Variants in RIC1 observed in about 807,000 individuals in gnomAD.
RIC1 encodes guanine nucleotide exchange factor subunit RIC1.
A neutral mutation model predicts 169.0 loss-of-function variants in RIC1; 88 were observed. The ratio of observed to expected loss-of-function variants is 0.52; its 90% confidence interval spans 0.44 to 0.62. RIC1 has a LOEUF of 0.62. Among genes scored for constraint, RIC1 ranks in the 20% least tolerant of loss-of-function variants. The pLI is 0.00. For missense variants in RIC1, 1,877 were observed against 1,725.5 expected, an observed-to-expected ratio of 1.09 and a Z score of -1.56; for synonymous variants, 790 against 601.5, an observed-to-expected ratio of 1.31 and a Z score of -4.59.
chr9:5,655,062 T>G (rs148177340), intron 1 of RIC1, among the ~76,000 whole-genome samples: 31 of 152,304 alleles, frequency 2.0e-4, no homozygotes, highest in African/African-American at 6.7e-4. Flanking sequence ...CCCAATCTCT[T>G]TACCTTTTAT....
chr9:5,740,976 T>C (rs1490477514), intron 8 of RIC1, among the ~76,000 whole-genome samples: 2 of 152,226 alleles, frequency 1.3e-5, no homozygotes, highest in African/African-American at 2.4e-5. Flanking sequence ...GAGACCATTT[T>C]CTGCCTGAAA....
intron 2 of RIC1, among the ~76,000 whole-genome samples, chr9:5,667,847 C>G (rs1489077674): frequency 6.6e-6 from 1 of 152,154 alleles, no homozygotes; most frequent in East Asian, 1.9e-4. Flanking sequence ...GTTCCAACCT[C>G]TGCCAGTTAC....
intron 3 of RIC1, among the ~76,000 whole-genome samples, chr9:5,709,110 C>T (rs1043577689): frequency 6.6e-6 from 1 of 152,068 alleles, no homozygotes; most frequent in Non-Finnish European, 1.5e-5. Context: ...AAACATGTAC[C>T]AAGTGTTGGC....
chr9:5,774,424 T>G lies in RIC1; in HGVS notation c.*178T>G. 3.9e-6 allele frequency: 2 copies of G among 512,762 alleles called. No individual in the cohort carries two copies. The highest frequency in any genetic ancestry group is 6.1e-5 in the East Asian group (2 of 32,754). 31.8% of individuals were successfully genotyped at this position (512,762 alleles called of 1,614,324 possible). ...AAATCTTTTTGACTCCATAAAAATGTGATATAAAGCATCTTTCATAAAAAA... is the reference window on the plus strand; with the variant it reads ...AAATCTTTTTGACTCCATAAAAATGGGATATAAAGCATCTTTCATAAAAAA... On this transcript the variant is annotated 3_prime_UTR_variant, in exon 26 of 26. Transcript: ENST00000414202.
chr9:5,703,178 G>T (rs1822343457), intron 3 of RIC1, among the ~76,000 whole-genome samples: 1 of 152,108 alleles, frequency 6.6e-6, no homozygotes, highest in South Asian at 2.1e-4. Context: ...CTATGAGCCT[G>T]TAAAATCAAA....
chr9:5,749,230 A>T (rs1260126169), intron 12 of RIC1, among the ~76,000 whole-genome samples: 2 of 152,220 alleles, frequency 1.3e-5, no homozygotes, highest in African/African-American at 4.8e-5. Context: ...AAATCACATA[A>T]TACACCACTG....
In RIC1 at chr9:5,709,757, T is replaced by C. The variant is rs182658105; in HGVS notation, c.333-4139T>C. 9.8e-5 allele frequency among the ~76,000 whole-genome samples: 15 copies of C among 152,314 alleles called. No homozygotes were observed. The East Asian group carries it at 2.3e-3, about 23-fold the overall frequency. The stretch of plus-strand genomic sequence containing the variant: ...GAGAAAGTCAGAATTTTTTTGTTAC[T>C]GTAATTTTTTAAAGTTTGCTCTATT... On this transcript the variant is annotated intron_variant, in intron 3 of 25. Coordinates refer to ENST00000414202, the MANE Select transcript of RIC1 (RefSeq NM_020829.4).
rs771133854 is a variant in RIC1 at position 5,713,960 on chromosome 9, T to C, written c.397T>C (p.Leu133=). 6.2e-7 allele frequency: 1 copy of C among 1,613,144 alleles called. No individual in the cohort carries two copies. The highest frequency in any genetic ancestry group is 8.5e-7 in the Non-Finnish European group (1 of 1,179,430). ...AGAACAGTGTGCTCCAGCATTAAAT[T>C]TGGAGATGAGGAAAATACTGGATTT... ...KEEQCAPALN[L]EMRKILDLQA... Residue 133 remains leucine, a synonymous_variant, in exon 4 of 26, where the codon TTG becomes CTG. Coordinates refer to ENST00000414202, the MANE Select transcript of RIC1 (RefSeq NM_020829.4).
At chr9:5,707,468 T>C (rs928995126) in intron 3 of RIC1, among the ~76,000 whole-genome samples, 1 of 152,246 alleles carries the variant, frequency 6.6e-6, no homozygotes, top group Admixed American at 6.5e-5. Context: ...AAGTGGGGTA[T>C]TGAAGTCTCC....
At chr9:5,682,814 A>T (rs548796059) in intron 2 of RIC1, among the ~76,000 whole-genome samples, 2 of 151,966 alleles carry the variant, frequency 1.3e-5, no homozygotes, top group African/African-American at 4.8e-5. Context: ...TCAGACATAG[A>T]TTTTGTCTTT....
rs1228823375 is a variant in RIC1 at position 5,629,153 on chromosome 9, C to G, written c.-157C>G. ...GGGGTGCCTTCGTCGCGCAGCCTTG[C>G]GTCGGCCCGGCCCGGCCAGGCCAGC... On this transcript the variant is annotated 5_prime_UTR_variant, in exon 1 of 26. Transcript: ENST00000414202. 25 of 619,862 alleles carry G rather than the reference C, an allele frequency of 4.0e-5. No individual in the cohort carries two copies. Among genetic ancestry groups the G allele is most frequent in the Non-Finnish European group, 5.8e-5 (25 of 431,156 alleles). 38.4% of individuals were successfully genotyped at this position (619,862 alleles called of 1,614,324 possible).
intron 1 of RIC1, among the ~76,000 whole-genome samples, chr9:5,640,232 G>A (rs750956364): frequency 6.6e-6 from 1 of 152,046 alleles, no homozygotes; most frequent in Non-Finnish European, 1.5e-5. Context: ...TGTATCTGTT[G>A]TGTTTTTTGA....
intron 6 of RIC1, among the ~76,000 whole-genome samples, chr9:5,729,174 T>C (rs137968295): frequency 1.3e-5 from 2 of 152,298 alleles, no homozygotes; most frequent in East Asian, 3.9e-4. Context: ...TGAACCTTTA[T>C]TTTCTATCCC....
intron 2 of RIC1, among the ~76,000 whole-genome samples, chr9:5,687,041 G>T (rs1331226303): frequency 1.3e-5 from 2 of 152,156 alleles, no homozygotes; most frequent in African/African-American, 4.8e-5. Flanking sequence ...TGGCTTTTCA[G>T]GGTACAGATT....
At chr9:5,632,538 G>T (rs147885248) in intron 1 of RIC1, among the ~76,000 whole-genome samples, 1 of 152,076 alleles carries the variant, frequency 6.6e-6, no homozygotes, top group Non-Finnish European at 1.5e-5. Context: ...TAGTTACTTA[G>T]CTTTTTTATA....
chr9:5,724,700 A>G (rs1479635084), intron 6 of RIC1, among the ~76,000 whole-genome samples: 2 of 152,164 alleles, frequency 1.3e-5, no homozygotes, highest in Non-Finnish European at 2.9e-5. Flanking sequence ...GGTTTGTCAT[A>G]AGTAGCTCTT....
intron 7 of RIC1, among the ~76,000 whole-genome samples, chr9:5,736,148 A>G (rs1824690370): frequency 6.6e-6 from 1 of 152,360 alleles, no homozygotes; most frequent in Admixed American, 6.5e-5. Context: ...GAGCTCAGCA[A>G]CCCAGGGTTA....
intron 2 of RIC1, among the ~76,000 whole-genome samples, chr9:5,664,907 A>C (rs1271505395): frequency 2.6e-5 from 4 of 152,134 alleles, no homozygotes; most frequent in African/African-American, 9.7e-5. Context: ...TTCTGCTATT[A>C]ATAGTTGTGA....
chr9:5,631,514 C>G (rs758572379), intron 1 of RIC1, among the ~76,000 whole-genome samples: 5 of 151,776 alleles, frequency 3.3e-5, no homozygotes, highest in African/African-American at 4.8e-5. Flanking sequence ...GGTGAAATCC[C>G]GTCTCTACTA....
Sources: gnomAD v4.1 joint callset for allele counts (sites outside exome capture counted in the v4.1 genomes callset) on GRCh38, gnomAD v4.1.1 for gene constraint, MANE v1.5 for transcripts, NCBI Gene and HGNC (gene_info 2026-07-23, HGNC 2026-07-21) for gene names.